Variants in CAPN2 observed in about 807,000 individuals in gnomAD.
CAPN2 encodes the protein calpain-2 catalytic subunit.
Under a neutral mutation model 102.3 loss-of-function variants are expected in CAPN2, and 92 were observed. That is an observed-to-expected ratio of 0.90 (90% confidence interval 0.76 to 1.07). The LOEUF is 1.07. CAPN2 is among the 50% of genes least tolerant of loss of function. CAPN2 has a pLI of 0.00. For synonymous variants in CAPN2, 340 were observed against 355.4 expected (o/e 0.96, Z 0.49); for missense variants, 800 against 909.4 (o/e 0.88, Z 1.55).
chr1:223,759,305 C>T lies in CAPN2; in HGVS notation c.1353C>T (p.Asn451=), dbSNP rs929071368. 6.2e-7 allele frequency: 1 copy of T among 1,614,242 alleles called. No individual in the cohort carries two copies. The highest frequency in any genetic ancestry group is 1.1e-5 in the South Asian group (1 of 91,084). ...SGQTNIHLSK[N]FFLTNRARER... The stretch of plus-strand genomic sequence containing the variant: ...AGACCAACATCCACCTCAGCAAAAA[C>T]TTCTTCCTGACGAATCGCGCCAGGG... Residue 451 remains asparagine, a synonymous_variant, in exon 12 of 21, where the codon AAC becomes AAT. Transcript: ENST00000295006. The surrounding 1 kb of genome is among the most constrained non-coding windows in gnomAD (Gnocchi z 4.6).
chr1:223,750,792 T>C (rs1660866853), intron 6 of CAPN2, 98 bp from the exon 7 acceptor site: 1 of 1,120,972 alleles, frequency 8.9e-7, no homozygotes, highest in Admixed American at 2.0e-5. Context: ...CTCAGCCCCA[T>C]ACCTCCTGGC....
Position 223,771,998 on chromosome 1 carries a change from A to G in CAPN2, c.2020+73A>G, listed in dbSNP as rs76534419. 4,573 of 1,183,826 alleles carry G rather than the reference A, an allele frequency of 3.9e-3. 191 individuals are homozygous for G. The East Asian group carries it at 0.088, about 23-fold the overall frequency. The allele number at this position is 1,183,826 out of a possible 1,614,324, so 73.3% of individuals were successfully genotyped here. ...AAGTGGCCTGCCTTTCACCTCGGTG[A>G]AATCATCTAAACTAGAGACATGTCT... On this transcript the variant is annotated intron_variant, in intron 19 of 20. Transcript: ENST00000295006.
chr1:223,702,244 G>A (rs1659501091), intron 1 of CAPN2, among the ~76,000 whole-genome samples: 2 of 151,752 alleles, frequency 1.3e-5, no homozygotes, highest in Admixed American at 1.3e-4. Context: ...TGGCTAACAT[G>A]GTAAAACCCT....
Position 223,766,384 on chromosome 1 carries a change from G to A in CAPN2, c.1708G>A (p.Asp570Asn). The change falls in exon 16 of 21, where the codon GAT becomes AAT. Residue 570 changes from aspartate (D) to asparagine (N), a missense_variant. By Grantham distance (23) the Asp-to-Asn change is conservative. Transcript: ENST00000295006. ...TCTTTTAGGCCAAGATATCAAGTCA[G>A]ATGGCTTCAGCATCGAGACATGCAA... ...VLAKRQDIKS[D>N]GFSIETCKIM... 1.2e-6 allele frequency: 2 copies of A among 1,613,950 alleles called. No homozygotes were observed. Among genetic ancestry groups the A allele is most frequent in the Non-Finnish European group, 1.7e-6 (2 of 1,179,786 alleles).
At chr1:223,745,090 C>T (rs73125992) in intron 3 of CAPN2, among the ~76,000 whole-genome samples, 3,676 of 151,028 alleles carry the variant, frequency 0.024, 159 homozygotes, top group African/African-American at 0.085. Flanking sequence ...GCTAAAGAGG[C>T]GGGTGTGGAT....
chr1:223,724,563 C>G (rs78272178), intron 2 of CAPN2, among the ~76,000 whole-genome samples: 3,040 of 152,312 alleles, frequency 0.02, 89 homozygotes, highest in East Asian at 0.11. Context: ...CCACATGTTC[C>G]TTGTGGCTGC....
At position 223,731,003 on chromosome 1, in the gene CAPN2, T is replaced by C. The variant is rs1215165386; in HGVS notation, c.308-13097T>C. Among the ~76,000 whole-genome samples, 4 of 152,198 alleles carry C rather than the reference T, an allele frequency of 2.6e-5. No homozygotes were observed. The highest frequency in any genetic ancestry group is 4.4e-5 in the Non-Finnish European group (3 of 68,036). On this transcript the variant is annotated intron_variant, in intron 2 of 20. Coordinates refer to ENST00000295006, the MANE Select transcript of CAPN2 (RefSeq NM_001748.5). The surrounding 1 kb of genome is among the most constrained non-coding windows in gnomAD (Gnocchi z 4.2). ...TGTCCTCAGGGAGCTATGGAAGTAG[T>C]GGAGGCAAATTATTAAATGGATGGA...
At chr1:223,752,194 G>A in intron 8 of CAPN2, 123 bp downstream of exon 8, 1 of 667,630 alleles carries the variant, frequency 1.5e-6, no homozygotes, top group South Asian at 1.9e-5. Context: ...AAGCGTGTGG[G>A]ATCCTGGTTT....
rs116739091 is a variant in CAPN2 at position 223,743,947 on chromosome 1, G to A, written c.308-153G>A. ...CAACCTAATAGCCCCCAAACCCTCTGACCCAACCCTCATATGGGGGACTGC... is the reference window on the plus strand; with the variant it reads ...CAACCTAATAGCCCCCAAACCCTCTAACCCAACCCTCATATGGGGGACTGC... On this transcript the variant is annotated intron_variant, in intron 2 of 20. Coordinates refer to ENST00000295006, the MANE Select transcript of CAPN2 (RefSeq NM_001748.5). Among the ~76,000 whole-genome samples the A allele has an allele frequency of 7.1e-3, 1,078 of 152,214 alleles. 5 individuals are homozygous for A. Among genetic ancestry groups the A allele is most frequent in the Middle Eastern group, 0.017 (5 of 294 alleles).
At chr1:223,748,693 G>A (rs372180818) in intron 5 of CAPN2, among the ~76,000 whole-genome samples, 2 of 148,426 alleles carry the variant, frequency 1.3e-5, no homozygotes, top group East Asian at 1.9e-4. Context: ...CTTTCCCTGC[G>A]CCATCGAGGA....
intron 20 of CAPN2, among the ~76,000 whole-genome samples, chr1:223,773,852 G>A (rs906599146): frequency 6.6e-6 from 1 of 151,732 alleles, no homozygotes. Flanking sequence ...GCAAAACCCT[G>A]TCTCAGAAAA....
At chr1:223,728,076 G>A (rs182017920) in intron 2 of CAPN2, among the ~76,000 whole-genome samples, 7 of 151,872 alleles carry the variant, frequency 4.6e-5, no homozygotes, top group Admixed American at 2.6e-4. Context: ...CCTGGTATGC[G>A]TTACAGTTCA....
chr1:223,761,559 C>A (rs775398569), intron 12 of CAPN2, 22 bp from the exon 13 acceptor site: 1 of 1,608,926 alleles, frequency 6.2e-7, no homozygotes, highest in East Asian at 2.2e-5. Flanking sequence ...TCCAGTAACA[C>A]ATAATTTCCT....
At chr1:223,712,441 G>GGGCCGGGAGCCCAGCA (rs955540474), upstream of CAPN2, 31 of 1,113,052 alleles carry the variant, frequency 2.8e-5, no homozygotes, top group East Asian at 4.2e-4. Flanking sequence ...GCCTGGTCCC[G>GGGCCGGGAGCCCAGCA]GGCCGGGAGC....
At position 223,755,598 on chromosome 1, in the gene CAPN2, G is replaced by A; in HGVS notation, c.1254G>A (p.Arg418=). Residue 418 remains arginine, a synonymous_variant, in exon 10 of 21, where the codon CGG becomes CGA. Transcript: ENST00000295006. The surrounding 1 kb of genome is among the most constrained non-coding windows in gnomAD (Gnocchi z 4.1). ...GGCTCATTCAGAAGCACCGACGGCG[G>A]CAGAGGAAGATGGGCGAGGACATGC... is the stretch of plus-strand genomic sequence containing the variant. The part of the protein sequence containing the change: ...LVGLIQKHRR[R]QRKMGEDMHT... 6.2e-7 allele frequency: 1 copy of A among 1,612,786 alleles called. No homozygotes were observed. The highest frequency in any genetic ancestry group is 8.5e-7 in the Non-Finnish European group (1 of 1,179,410).
At chr1:223,738,741 G>A (rs551416019) in intron 2 of CAPN2, among the ~76,000 whole-genome samples, 2 of 152,398 alleles carry the variant, frequency 1.3e-5, no homozygotes, top group Non-Finnish European at 2.9e-5. Flanking sequence ...TCTGTGATCC[G>A]AGGAGGAAGC....
rs539072411 is a variant in CAPN2, at chr1:223,764,965, G to A, written c.1690+758G>A. Among the ~76,000 whole-genome samples, 7 of 152,356 alleles carry A rather than the reference G, an allele frequency of 4.6e-5. No individual in the cohort carries two copies. The South Asian group carries it at 1.5e-3, about 32-fold the overall frequency. On this transcript the variant is annotated intron_variant, in intron 15 of 20. Coordinates refer to ENST00000295006, the MANE Select transcript of CAPN2 (RefSeq NM_001748.5). ...TTCAACCCCTTACTGTGGATCACCA[G>A]CAGGGAGGAGCGGGAAACACAACAC...
Position 223,771,886 on chromosome 1 carries a change from A to AATT in CAPN2, c.1982_1984dup (p.Asn661_Phe662insTyr). On this transcript the variant is annotated inframe_insertion, in exon 19 of 21. Transcript: ENST00000295006. ...TGACCAGCTCATCATCGATTTTGAT[A>AATT]ATTTTGTTCGGTGTTTGGTTCGGCT... 2.5e-6 allele frequency: 4 copies of AATT among 1,614,064 alleles called. No individual in the cohort carries two copies. Among genetic ancestry groups the AATT allele is most frequent in the Non-Finnish European group, 3.4e-6 (4 of 1,179,922 alleles).
At position 223,731,073 on chromosome 1, in the gene CAPN2, T is replaced by C. The variant is rs1660324882; in HGVS notation, c.308-13027T>C. ...ATGTTGGGAGTCAGCTGGGAGTCAG[T>C]GTGAGGATCTGGGAGGGGAACAGTA... On this transcript the variant is annotated intron_variant, in intron 2 of 20. Transcript: ENST00000295006. This position sits in a 1 kb window ranked among gnomAD's most constrained non-coding sequence, Gnocchi z 4.2. Among the ~76,000 whole-genome samples the C allele has an allele frequency of 6.6e-6, 1 of 152,048 alleles. No homozygotes were observed. The highest frequency in any genetic ancestry group is 1.5e-5 in the Non-Finnish European group (1 of 68,006).
Sources: gnomAD v4.1 joint callset for allele counts (sites outside exome capture counted in the v4.1 genomes callset) on GRCh38, gnomAD v4.1.1 for gene constraint, Gnocchi (gnomAD v3.1) non-coding constraint, MANE v1.5 for transcripts, NCBI Gene and HGNC (gene_info 2026-07-23, HGNC 2026-07-21) for gene names.